Variants in NRG3 observed in about 807,000 individuals in gnomAD.
NRG3 encodes neuregulin 3.
In NRG3, 31 loss-of-function variants were observed where a neutral mutation model predicts 66.9. The ratio of observed to expected loss-of-function variants is 0.46; its 90% CI spans 0.35 to 0.63. NRG3 has a LOEUF of 0.63. NRG3 is among the 20% of genes least tolerant of loss of function. The pLI is 0.00. For synonymous variants in NRG3, 393 were observed against 359.4 expected (o/e 1.09, Z -1.06); for missense variants, 910 against 878.9 (o/e 1.04, Z -0.45).
chr10:82,403,179 A>G (rs1475954616), intron 2 of NRG3, among the ~76,000 whole-genome samples: 2 of 152,140 alleles, frequency 1.3e-5, no homozygotes, highest in African/African-American at 2.4e-5. Context: ...TCATAAAAGC[A>G]TTGACTTAAT....
At chr10:82,890,447 C>A (rs1296098891) in intron 4 of NRG3, among the ~76,000 whole-genome samples, 2 of 152,008 alleles carry the variant, frequency 1.3e-5, no homozygotes, top group African/African-American at 4.8e-5. Context: ...ATCACCCGAA[C>A]AAAACTGACT....
At chr10:81,920,343 G>C (rs751162088) in intron 1 of NRG3, among the ~76,000 whole-genome samples, 9 of 152,094 alleles carry the variant, frequency 5.9e-5, no homozygotes, top group Middle Eastern at 3.2e-3. Context: ...TATTTGATTG[G>C]AGTTTTGAAG....
chr10:82,495,357 A>C (rs73307852), intron 2 of NRG3, among the ~76,000 whole-genome samples: 1 of 152,144 alleles, frequency 6.6e-6, no homozygotes, highest in African/African-American at 2.4e-5. Flanking sequence ...TTTTTCATTG[A>C]GAAAAGACTA....
intron 2 of NRG3, among the ~76,000 whole-genome samples, chr10:82,467,320 A>G (rs1290751110): frequency 6.6e-6 from 1 of 152,232 alleles, no homozygotes; most frequent in African/African-American, 2.4e-5. Context: ...CCAAAAAGGT[A>G]GCAGGCTCTG....
intron 2 of NRG3, among the ~76,000 whole-genome samples, chr10:82,507,360 T>C (rs1048633352): frequency 1.3e-5 from 2 of 152,170 alleles, no homozygotes; most frequent in Non-Finnish European, 2.9e-5. Context: ...AGGAAGCTTA[T>C]GGGCATGTTA....
chr10:82,132,475 AT>A (rs1417318867), intron 1 of NRG3, among the ~76,000 whole-genome samples: 7,989 of 107,720 alleles, frequency 0.074, 1,503 homozygotes, highest in African/African-American at 0.2. Flanking sequence ...TATGATATAT[AT>A]ATGATATATA....
At chr10:82,530,849 A>G (rs1847180290) in intron 2 of NRG3, among the ~76,000 whole-genome samples, 1 of 151,898 alleles carries the variant, frequency 6.6e-6, no homozygotes, top group East Asian at 1.9e-4. Flanking sequence ...TTTATATTGT[A>G]TATTAGAATG....
At chr10:82,748,466 A>G (rs2058731161) in intron 3 of NRG3, among the ~76,000 whole-genome samples, 1 of 151,630 alleles carries the variant, frequency 6.6e-6, no homozygotes, top group Non-Finnish European at 1.5e-5. Context: ...ATAAACATGT[A>G]TATACTTAAC....
intron 1 of NRG3, among the ~76,000 whole-genome samples, chr10:82,302,095 T>A (rs2080437125): frequency 6.6e-6 from 1 of 152,022 alleles, no homozygotes; most frequent in Non-Finnish European, 1.5e-5. Flanking sequence ...TTGGTCAAAA[T>A]ACTATTTTTA....
rs904446939 is a variant in NRG3 at position 82,612,154 on chromosome 10, C to G, written c.954-126423C>G. On this transcript the variant is annotated intron_variant, in intron 2 of 8. Transcript: ENST00000372141. Reference sequence around the variant, plus strand: ...TATTTGTTTAAATTCTTTGTAGATTCTGGATATTAGCCCTTTGACAGGTGA... The same window carrying G: ...TATTTGTTTAAATTCTTTGTAGATTGTGGATATTAGCCCTTTGACAGGTGA... Among the ~76,000 whole-genome samples, 3 of 151,968 alleles carry G rather than the reference C, an allele frequency of 2.0e-5. 1 individual carries two copies. Among genetic ancestry groups the G allele is most frequent in the Non-Finnish European group, 4.4e-5 (3 of 68,016 alleles).
intron 4 of NRG3, among the ~76,000 whole-genome samples, chr10:82,915,095 A>G (rs187471151): frequency 2.0e-4 from 30 of 152,336 alleles, no homozygotes; most frequent in Admixed American, 1.9e-3. Context: ...TTATATTTCA[A>G]GCTTGTCCAC....
intron 2 of NRG3, among the ~76,000 whole-genome samples, chr10:82,419,457 C>CTG (rs1204684634): frequency 1.3e-5 from 2 of 152,144 alleles, no homozygotes; most frequent in African/African-American, 4.8e-5. Context: ...AAGGTTGTCT[C>CTG]TGATACTTAG....
chr10:81,881,868 C>T (rs538451964), intron 1 of NRG3, among the ~76,000 whole-genome samples: 34 of 151,708 alleles, frequency 2.2e-4, no homozygotes, highest in Admixed American at 1.8e-3. Flanking sequence ...AAGACACTAG[C>T]GAAGGAATCC....
chr10:81,979,537 C>T (rs17647755), intron 1 of NRG3, among the ~76,000 whole-genome samples: 5,041 of 152,152 alleles, frequency 0.033, 109 homozygotes, highest in Non-Finnish European at 0.048. Flanking sequence ...TTAGATTGTC[C>T]CACTTAATTT....
At chr10:82,298,200 G>A (rs1486202331) in intron 1 of NRG3, among the ~76,000 whole-genome samples, 1 of 143,618 alleles carries the variant, frequency 7.0e-6, no homozygotes, top group Non-Finnish European at 1.5e-5. Context: ...GACAGAGAGA[G>A]AGCAGGAAGG....
chr10:82,646,724 C>G (rs2050960327), intron 2 of NRG3, among the ~76,000 whole-genome samples: 1 of 152,034 alleles, frequency 6.6e-6, no homozygotes, highest in Admixed American at 6.6e-5. Flanking sequence ...GGGGTATGCT[C>G]AAGGAAAGGC....
chr10:82,960,810 AC>A (rs1251736424), intron 6 of NRG3, among the ~76,000 whole-genome samples: 8 of 151,126 alleles, frequency 5.3e-5, no homozygotes, highest in African/African-American at 1.7e-4. Context: ...TGTGACCCCC[AC>A]CCCTGCCCAC....
At chr10:82,118,780 G>A (rs2132334731) in intron 1 of NRG3, among the ~76,000 whole-genome samples, 3 of 152,100 alleles carry the variant, frequency 2.0e-5, no homozygotes, top group Admixed American at 2.0e-4. Flanking sequence ...AGGCATCATA[G>A]CCTATGCAAG....
rs866726517 is a variant in NRG3, at chr10:82,301,708, G to A, written c.824-57031G>A. Reference sequence around the variant, plus strand: ...TTCCTATATATATATATATATATATGTAAATAGTTGCCTTTATTTTTAATA... The same window carrying A: ...TTCCTATATATATATATATATATATATAAATAGTTGCCTTTATTTTTAATA... On this transcript the variant is annotated intron_variant, in intron 1 of 8. Transcript: ENST00000372141. Among the ~76,000 whole-genome samples, 618 of 91,524 alleles carry A rather than the reference G, an allele frequency of 6.8e-3. 1 individual carries two copies. The highest frequency in any genetic ancestry group is 0.021 in the African/African-American group (534 of 25,542). The allele number at this position is 91,524 out of a possible 152,430, so 60.0% of individuals were successfully genotyped here. A position where few individuals can be genotyped will look rare whatever the true frequency, so the allele number is the denominator to read the frequency against.
Sources: gnomAD v4.1 joint callset for allele counts (sites outside exome capture counted in the v4.1 genomes callset) on GRCh38, gnomAD v4.1.1 for gene constraint, MANE v1.5 for transcripts, NCBI Gene and HGNC (gene_info 2026-07-23, HGNC 2026-07-21) for gene names.